DCDC2: variants seen among roughly 807,000 people sequenced by gnomAD.
DCDC2 encodes doublecortin domain containing 2, also known as doublecortin domain-containing protein 2.
In DCDC2, 40 loss-of-function variants were observed where a neutral mutation model predicts 50.2. The observed-to-expected ratio is 0.80, with a 90% CI of 0.62 to 1.04. DCDC2 has a LOEUF of 1.04. DCDC2 is among the 50% of genes least tolerant of loss of function. The pLI is 0.00. For missense variants in DCDC2, 570 were observed against 581.9 expected (o/e 0.98, Z 0.21); for synonymous variants, 234 against 210.6 (o/e 1.11, Z -0.96).
At chr6:24,374,468 T>C in the DCDC2 span, among the ~76,000 whole-genome samples, 1 of 149,742 alleles carries the variant, frequency 6.7e-6, no homozygotes, top group African/African-American at 2.5e-5. Context: ...TAATCCCAGC[T>C]ACTTGGGATG....
At chr6:24,370,355 G>A in the DCDC2 span, among the ~76,000 whole-genome samples, 1 of 152,156 alleles carries the variant, frequency 6.6e-6, no homozygotes, top group Non-Finnish European at 1.5e-5. Flanking sequence ...AAAGAGATAG[G>A]ATATCATATA....
chr6:24,303,004 T>C (rs1759409883), intron 2 of DCDC2, among the ~76,000 whole-genome samples: 1 of 152,060 alleles, frequency 6.6e-6, no homozygotes, highest in African/African-American at 2.4e-5. Context: ...CTCACCATTT[T>C]TCTCCTTTTC....
intron 8 of DCDC2, among the ~76,000 whole-genome samples, chr6:24,183,384 G>A (rs904492118): frequency 1.3e-5 from 2 of 152,204 alleles, no homozygotes; most frequent in Admixed American, 1.3e-4. Context: ...CATCGCTGAA[G>A]AGCAAGGATT....
At chr6:24,366,175 C>T in the DCDC2 span, among the ~76,000 whole-genome samples, 2 of 152,246 alleles carry the variant, frequency 1.3e-5, no homozygotes, top group African/African-American at 2.4e-5. Flanking sequence ...TGAGTAGAAA[C>T]AATCTCCTAA....
At chr6:24,264,753 A>G (rs1057366442) in intron 7 of DCDC2, among the ~76,000 whole-genome samples, 1 of 152,090 alleles carries the variant, frequency 6.6e-6, no homozygotes, top group Non-Finnish European at 1.5e-5. Flanking sequence ...TGGCAAGAGT[A>G]AGCCCTTACG....
At chr6:24,231,390 C>G (rs1358906274) in intron 7 of DCDC2, among the ~76,000 whole-genome samples, 1 of 152,096 alleles carries the variant, frequency 6.6e-6, no homozygotes, top group East Asian at 1.9e-4. Context: ...TGCAGGAGAC[C>G]CATGAAGAAG....
chr6:24,291,689 T>G (rs1344429193), intron 4 of DCDC2, among the ~76,000 whole-genome samples: 1 of 151,744 alleles, frequency 6.6e-6, no homozygotes, highest in Non-Finnish European at 1.5e-5. Context: ...GTTTCACCGT[T>G]TTAGCCGGGA....
At chr6:24,230,319 A>G (rs1028907940) in intron 7 of DCDC2, among the ~76,000 whole-genome samples, 1 of 151,886 alleles carries the variant, frequency 6.6e-6, no homozygotes, top group African/African-American at 2.4e-5. Context: ...TTCTCAATAC[A>G]GTAGTAATTG....
chr6:24,371,308 A>G, the DCDC2 span, among the ~76,000 whole-genome samples: 12,206 of 145,858 alleles, frequency 0.084, 920 homozygotes, highest in East Asian at 0.35. Context: ...AGAAAAGAAA[A>G]AAAAGAACTA....
chr6:24,373,067 T>A, the DCDC2 span, among the ~76,000 whole-genome samples: 2 of 152,150 alleles, frequency 1.3e-5, no homozygotes, highest in African/African-American at 4.8e-5. Context: ...GCCACAGGAT[T>A]GACAAAAATT....
chr6:24,291,524 C>T (rs1296260027), intron 4 of DCDC2, among the ~76,000 whole-genome samples: 2 of 136,714 alleles, frequency 1.5e-5, no homozygotes, highest in South Asian at 2.3e-4. Flanking sequence ...CTCGCTCTGT[C>T]GCCCAGGCTG....
chr6:24,346,515 G>T (rs974536613), intron 2 of DCDC2, among the ~76,000 whole-genome samples: 3 of 152,078 alleles, frequency 2.0e-5, no homozygotes, highest in African/African-American at 7.2e-5. Flanking sequence ...CAGCACTTTG[G>T]GAGGCCAAGG....
At chr6:24,290,722 T>A (rs756569860) in intron 5 of DCDC2, among the ~76,000 whole-genome samples, 1 of 152,200 alleles carries the variant, frequency 6.6e-6, no homozygotes, top group Non-Finnish European at 1.5e-5. Context: ...TAGTCTTTCA[T>A]AACTTCCCAG....
chr6:24,298,276 C>T (rs1353580359), intron 4 of DCDC2, among the ~76,000 whole-genome samples: 2 of 152,202 alleles, frequency 1.3e-5, no homozygotes, highest in Non-Finnish European at 2.9e-5. Flanking sequence ...TCCTGCTGTG[C>T]AGTCGGGTTC....
chr6:24,335,082 A>C (rs1760033045), intron 2 of DCDC2, among the ~76,000 whole-genome samples: 1 of 152,240 alleles, frequency 6.6e-6, no homozygotes, highest in African/African-American at 2.4e-5. Flanking sequence ...TAGATCATGT[A>C]AACTGTGGCC....
intron 2 of DCDC2, among the ~76,000 whole-genome samples, chr6:24,303,709 T>C (rs1362204373): frequency 6.6e-6 from 1 of 152,204 alleles, no homozygotes; most frequent in Admixed American, 6.5e-5. Context: ...CCGTACTAAG[T>C]AATTTATATG....
At chr6:24,259,580 TATTAA>T (rs941279369) in intron 7 of DCDC2, among the ~76,000 whole-genome samples, 21 of 152,230 alleles carry the variant, frequency 1.4e-4, no homozygotes, top group African/African-American at 5.1e-4. Context: ...TCCCTGTTCA[TATTAA>T]ATTAAATTGT....
At chr6:24,235,058 T>C (rs377476809) in intron 7 of DCDC2, among the ~76,000 whole-genome samples, 3 of 152,230 alleles carry the variant, frequency 2.0e-5, no homozygotes, top group African/African-American at 7.2e-5. Flanking sequence ...TAAAAAGATA[T>C]GATTTGACAG....
At chr6:24,196,348 T>C (rs1761439420) in intron 8 of DCDC2, among the ~76,000 whole-genome samples, 1 of 152,194 alleles carries the variant, frequency 6.6e-6, no homozygotes, top group Non-Finnish European at 1.5e-5. Flanking sequence ...TTTCACCTCA[T>C]GAGCTCACTT....
Sources: gnomAD v4.1 joint callset for allele counts (sites outside exome capture counted in the v4.1 genomes callset) on GRCh38, gnomAD v4.1.1 for gene constraint, MANE v1.5 for transcripts, NCBI Gene and HGNC (gene_info 2026-07-23, HGNC 2026-07-21) for gene names.